SLC7A2: variants seen among roughly 807,000 people sequenced by gnomAD.
SLC7A2 encodes solute carrier family 7 member 2.
In SLC7A2, 48 loss-of-function variants were observed where a neutral mutation model predicts 58.9. That is an observed-to-expected ratio of 0.82 (90% CI 0.65 to 1.04). The LOEUF (loss-of-function observed/expected upper bound fraction) is 1.04. Among genes scored for constraint, SLC7A2 ranks in the 50% least tolerant of loss-of-function variants. The probability of loss-of-function intolerance (pLI) is 0.00; values close to 1 mark genes in which losing one functional copy is unlikely to be tolerated. For missense variants in SLC7A2, 1,029 were observed against 818.8 expected (o/e 1.26, Z -3.13); for synonymous variants, 363 against 314.5 (o/e 1.15, Z -1.63).
intron 3 of SLC7A2, 65 bp from the exon 4 acceptor site, chr8:17,544,386 G>C: frequency 7.1e-7 from 1 of 1,404,526 alleles, no homozygotes; most frequent in Non-Finnish European, 9.9e-7. Context: ...CTATAATAGA[G>C]TAGCAAATGA....
intron 2 of SLC7A2, among the ~76,000 whole-genome samples, chr8:17,516,256 C>T (rs917002906): frequency 1.3e-5 from 2 of 151,258 alleles, no homozygotes; most frequent in South Asian, 2.1e-4. Context: ...GATGGAATCT[C>T]GCTCTGTCGC....
intron 2 of SLC7A2, among the ~76,000 whole-genome samples, chr8:17,509,793 C>A (rs893464558): frequency 2.0e-5 from 3 of 152,150 alleles, no homozygotes; most frequent in Admixed American, 6.5e-5. Flanking sequence ...GAATCTTCCA[C>A]GTCTCTAAAG....
intron 11 of SLC7A2, 70 bp downstream of exon 11, chr8:17,562,180 A>ATTTTTTTTTTTTTTTTTTT (rs200130071): frequency 2.7e-5 from 16 of 594,394 alleles, no homozygotes; most frequent in African/African-American, 1.8e-4. Context: ...TTTGGTAAGT[A>ATTTTTTTTTTTTTTTTTTT]TTTTTTTTTT....
intron 2 of SLC7A2, among the ~76,000 whole-genome samples, chr8:17,535,307 C>A (rs1301861508): frequency 7.2e-5 from 11 of 152,220 alleles, no homozygotes; most frequent in African/African-American, 2.6e-4. Context: ...CTCCCGCCCT[C>A]CTTCTCACTG....
At chr8:17,511,336 G>C (rs1056766729) in intron 2 of SLC7A2, 1 of 152,146 alleles carries the variant, frequency 6.6e-6, no homozygotes, top group African/African-American at 2.4e-5. Context: ...CTGCAGCGTT[G>C]ATGTTTCCAG....
intron 2 of SLC7A2, among the ~76,000 whole-genome samples, chr8:17,537,787 C>G (rs1169577737): frequency 1.3e-5 from 2 of 152,188 alleles, no homozygotes; most frequent in Non-Finnish European, 2.9e-5. Context: ...GCCTGGTGCC[C>G]AAGCCTGACA....
intron 2 of SLC7A2, among the ~76,000 whole-genome samples, chr8:17,536,566 A>G (rs1014826634): frequency 1.3e-5 from 2 of 152,166 alleles, no homozygotes; most frequent in African/African-American, 2.4e-5. Context: ...CGAACAAACA[A>G]TTCTACCTTA....
At position 17,560,454 on chromosome 8, in the gene SLC7A2, C is replaced by T. The variant is rs2150776889; in HGVS notation, c.1425C>T (p.Ser475=). 6.2e-7 allele frequency: 1 copy of T among 1,614,068 alleles called. No homozygotes were observed. The highest frequency in any genetic ancestry group is 1.1e-5 in the South Asian group (1 of 91,084). ...QVTMLQRQGF[S]MRTLFCPSLL... ...CCATGCTGCAGAGACAGGGCTTCAG[C>T]ATGCGGACCCTCTTCTGCCCCTCCC... The change falls in exon 10 of 13, where the codon AGC becomes AGT. Residue 475 remains serine (S), a synonymous_variant. Transcript: ENST00000494857.
chr8:17,550,236 A>T (rs1345654042), intron 5 of SLC7A2, 65 bp from the exon 6 acceptor site: 10 of 1,514,582 alleles, frequency 6.6e-6, no homozygotes, highest in Non-Finnish European at 6.3e-6. Context: ...ATAGTCTGAG[A>T]AAAGTCACCA....
At chr8:17,519,042 T>C (rs1800912072) in intron 2 of SLC7A2, among the ~76,000 whole-genome samples, 1 of 152,100 alleles carries the variant, frequency 6.6e-6, no homozygotes, top group Non-Finnish European at 1.5e-5. Flanking sequence ...CCACATGATC[T>C]CATCTAGCCC....
At chr8:17,496,466 A>T (rs1031357304), upstream of SLC7A2, among the ~76,000 whole-genome samples, 3 of 152,186 alleles carry the variant, frequency 2.0e-5, no homozygotes, top group Admixed American at 6.5e-5. Context: ...TAAAGTAAAC[A>T]ATAGCGCAGT....
At chr8:17,523,164 G>T (rs986240706) in intron 2 of SLC7A2, among the ~76,000 whole-genome samples, 2 of 151,880 alleles carry the variant, frequency 1.3e-5, no homozygotes, top group Non-Finnish European at 1.5e-5. Context: ...AAAAAAAGGA[G>T]GGAGAAAAAA....
intron 4 of SLC7A2, among the ~76,000 whole-genome samples, 154 bp from the exon 5 acceptor site, chr8:17,548,524 T>C (rs1401323432): frequency 6.6e-6 from 1 of 152,176 alleles, no homozygotes; most frequent in African/African-American, 2.4e-5. Flanking sequence ...AATTAGGTAA[T>C]TAACTAATGA....
At chr8:17,554,937 C>T in intron 8 of SLC7A2, 1 of 1,613,096 alleles carries the variant, frequency 6.2e-7, no homozygotes, top group Non-Finnish European at 8.5e-7. Context: ...TTGAATTTTT[C>T]TGTTCTAGTC....
chr8:17,505,517 G>C (rs1344081133), intron 2 of SLC7A2, among the ~76,000 whole-genome samples: 4 of 152,118 alleles, frequency 2.6e-5, no homozygotes, highest in Non-Finnish European at 5.9e-5. Context: ...GGCCTCAAGG[G>C]TATACTTGAC....
At chr8:17,549,194 A>G (rs1288659050) in intron 5 of SLC7A2, among the ~76,000 whole-genome samples, 1 of 152,220 alleles carries the variant, frequency 6.6e-6, no homozygotes, top group East Asian at 1.9e-4. Context: ...TCCCTGCCAC[A>G]ACACATGGGA....
At chr8:17,554,868 C>T (rs1322719430) in intron 8 of SLC7A2, 169 bp downstream of exon 8, 5 of 1,513,162 alleles carry the variant, frequency 3.3e-6, no homozygotes, top group East Asian at 2.3e-5. Flanking sequence ...TTCGTGTGTC[C>T]AGTCTTTACC....
At chr8:17,496,458 A>T (rs1799960434), upstream of SLC7A2, among the ~76,000 whole-genome samples, 1 of 152,180 alleles carries the variant, frequency 6.6e-6, no homozygotes, top group Non-Finnish European at 1.5e-5. Flanking sequence ...GAGACTCCTA[A>T]AGTAAACAAT....
At chr8:17,543,245 G>T (rs1801996569) in intron 2 of SLC7A2, 73 bp from the exon 3 acceptor site, 1 of 1,358,340 alleles carries the variant, frequency 7.4e-7, no homozygotes, top group African/African-American at 1.5e-5. Flanking sequence ...CTCTAATTGT[G>T]CCTGGAAGCT....
Sources: allele counts gnomAD v4.1 joint callset (sites outside exome capture counted in the v4.1 genomes callset), GRCh38; gene constraint gnomAD v4.1.1; transcripts MANE v1.5; gene names NCBI Gene and HGNC (gene_info 2026-07-23, HGNC 2026-07-21).